SRBD1: variants seen among roughly 807,000 people sequenced by gnomAD.
SRBD1 encodes the protein S1 RNA binding domain 1.
SRBD1 carries 88 observed loss-of-function variants against 115.3 expected under a neutral mutation model. That is an observed-to-expected ratio of 0.76 (90% CI 0.64 to 0.91). SRBD1 has a LOEUF of 0.91. Ranked by LOEUF, SRBD1 falls within the 40% of genes least tolerant of loss-of-function variation. The pLI is 0.00. For missense variants in SRBD1, 1,385 were observed against 1,177.4 expected (o/e 1.18, Z -2.58); for synonymous variants, 509 against 407.7 (o/e 1.25, Z -2.99).
intron 14 of SRBD1, among the ~76,000 whole-genome samples, chr2:45,526,132 C>T (rs1399146890): frequency 1.3e-5 from 2 of 151,980 alleles, no homozygotes; most frequent in African/African-American, 2.4e-5. Context: ...GCCCATATGT[C>T]CACACCAAAA....
At chr2:45,595,124 C>A (rs542515060) in intron 4 of SRBD1, among the ~76,000 whole-genome samples, 4 of 152,282 alleles carry the variant, frequency 2.6e-5, no homozygotes, top group African/African-American at 9.6e-5. Flanking sequence ...CAACAGAGAT[C>A]TTTAAACTAA....
chr2:45,575,474 G>A (rs942424842), intron 7 of SRBD1, among the ~76,000 whole-genome samples: 5 of 152,194 alleles, frequency 3.3e-5, no homozygotes, highest in South Asian at 2.1e-4. Context: ...TGCATGAAAC[G>A]TTTTTTGCAC....
At chr2:45,402,592 TCCTC>T (rs1375737039) in intron 19 of SRBD1, among the ~76,000 whole-genome samples, 1 of 152,158 alleles carries the variant, frequency 6.6e-6, no homozygotes, top group Non-Finnish European at 1.5e-5. Flanking sequence ...GTATTAGAAT[TCCTC>T]CCTAATGGGA....
chr2:45,566,585 G>A (rs947777383), intron 9 of SRBD1, among the ~76,000 whole-genome samples: 3 of 152,202 alleles, frequency 2.0e-5, no homozygotes, highest in Non-Finnish European at 4.4e-5. Flanking sequence ...AAAATTGCTT[G>A]TGGTAATGGT....
chr2:45,605,323 C>A, intron 2 of SRBD1, 39 bp downstream of exon 2: 1 of 1,566,370 alleles, frequency 6.4e-7, no homozygotes, highest in Non-Finnish European at 8.7e-7. Flanking sequence ...TTAAAATATT[C>A]ATCATTCCCC....
At chr2:45,585,278 T>G (rs1031334703) in intron 5 of SRBD1, among the ~76,000 whole-genome samples, 44 of 152,204 alleles carry the variant, frequency 2.9e-4, no homozygotes, top group African/African-American at 9.6e-4. Flanking sequence ...TTAAAAGAGT[T>G]AGAATAAAAT....
At chr2:45,519,956 G>A (rs1304518302) in intron 14 of SRBD1, among the ~76,000 whole-genome samples, 1 of 152,062 alleles carries the variant, frequency 6.6e-6, no homozygotes, top group Non-Finnish European at 1.5e-5. Flanking sequence ...AATAAGTATT[G>A]GAATTATGAT....
intron 7 of SRBD1, among the ~76,000 whole-genome samples, chr2:45,578,583 A>C (rs1673248611): frequency 6.6e-6 from 1 of 152,234 alleles, no homozygotes. Context: ...ATAGTATGCT[A>C]TAATTTTCTA....
At chr2:45,464,997 T>C (rs1423120534) in intron 16 of SRBD1, among the ~76,000 whole-genome samples, 1 of 132,204 alleles carries the variant, frequency 7.6e-6, no homozygotes, top group Non-Finnish European at 1.6e-5. Flanking sequence ...ATGGTTGAGA[T>C]TGTACACACA....
At chr2:45,479,191 G>A (rs963509710) in intron 15 of SRBD1, among the ~76,000 whole-genome samples, 2 of 151,940 alleles carry the variant, frequency 1.3e-5, no homozygotes, top group East Asian at 1.9e-4. Context: ...CCTATTCCCC[G>A]ACACACAACG....
rs954568792 is a variant in SRBD1, at chr2:45,553,509, A to T, written c.1517+114T>A. 3 of 590,754 alleles carry T rather than the reference A, an allele frequency of 5.1e-6. No individual in the cohort carries two copies. The African/African-American group carries it at 5.7e-5, about 11-fold the overall frequency. The allele number at this position is 590,754 out of a possible 1,614,324, so 36.6% of individuals were successfully genotyped here. A position where few individuals can be genotyped will look rare whatever the true frequency, so the allele number is the denominator to read the frequency against. On this transcript the variant is annotated intron_variant, in intron 11 of 20. Transcript: ENST00000263736. ...TTAACTTTAACACTTTGTGATGCTG[A>T]CTAAATTCTTTCGATTGGTTAATCA...
At chr2:45,404,437 TC>T (rs1667372877) in intron 19 of SRBD1, among the ~76,000 whole-genome samples, 1 of 152,108 alleles carries the variant, frequency 6.6e-6, no homozygotes, top group Non-Finnish European at 1.5e-5. Context: ...TCCACTCCCC[TC>T]CAATACAGTG....
chr2:45,491,977 A>C (rs1001517545), intron 14 of SRBD1, among the ~76,000 whole-genome samples: 1 of 152,000 alleles, frequency 6.6e-6, no homozygotes, highest in African/African-American at 2.4e-5. Flanking sequence ...GCCCACCATC[A>C]TGCCCAGCTA....
chr2:45,446,584 T>C (rs955119375), intron 16 of SRBD1, among the ~76,000 whole-genome samples: 1 of 151,850 alleles, frequency 6.6e-6, no homozygotes, highest in Admixed American at 6.6e-5. Flanking sequence ...AGAAATCAAA[T>C]ATATAGCAAA....
chr2:45,500,492 G>A (rs986416216), intron 14 of SRBD1, among the ~76,000 whole-genome samples: 6 of 151,392 alleles, frequency 4.0e-5, no homozygotes, highest in South Asian at 2.1e-4. Context: ...GCACAATCAC[G>A]GCTCACTACA....
intron 14 of SRBD1, among the ~76,000 whole-genome samples, chr2:45,490,374 A>C (rs1670256433): frequency 6.6e-6 from 1 of 152,108 alleles, no homozygotes; most frequent in Non-Finnish European, 1.5e-5. Flanking sequence ...GCATTCATTG[A>C]TTACTTAAAT....
intron 1 of SRBD1, 66 bp from the exon 2 acceptor site, chr2:45,605,507 TA>T: frequency 7.2e-7 from 1 of 1,397,250 alleles, no homozygotes. Flanking sequence ...TGGCTACAAG[TA>T]ATGGGTCATT....
chr2:45,553,145 TC>T (rs1672356504), intron 11 of SRBD1, among the ~76,000 whole-genome samples: 1 of 152,198 alleles, frequency 6.6e-6, no homozygotes, highest in Non-Finnish European at 1.5e-5. Context: ...GCACCTCACC[TC>T]TTTTGCAGTT....
At chr2:45,582,133 G>T (rs766901877) in intron 5 of SRBD1, among the ~76,000 whole-genome samples, 1 of 152,020 alleles carries the variant, frequency 6.6e-6, no homozygotes, top group African/African-American at 2.4e-5. Flanking sequence ...AAGAATTATG[G>T]GTTACATGTA....
Sources: allele counts gnomAD v4.1 joint callset (sites outside exome capture counted in the v4.1 genomes callset), GRCh38; gene constraint gnomAD v4.1.1; transcripts MANE v1.5; gene names NCBI Gene and HGNC (gene_info 2026-07-23, HGNC 2026-07-21).